The following DMD variants were observed in gnomAD, a reference collection of about 807,000 sequenced individuals.
The protein encoded by DMD is dystrophin.
DMD carries 63 observed loss-of-function variants against 330.1 expected under a neutral mutation model. The observed-to-expected ratio is 0.19, with a 90% CI of 0.16 to 0.24. The LOEUF is 0.24. DMD is among the 10% of genes least tolerant of loss of function. DMD has a pLI of 1.00. For missense variants in DMD, 3,344 were observed against 2,684.1 expected, an observed-to-expected ratio of 1.25 and a Z score of -5.43; for synonymous variants, 1,223 against 959.8, an observed-to-expected ratio of 1.27 and a Z score of -5.07.
Position 31,238,356 on chromosome X carries a change from T to C in DMD, c.9287-15235A>G, listed in dbSNP as rs758026126. On this transcript the variant is annotated intron_variant, in intron 63 of 78. Coordinates refer to ENST00000357033, the MANE Select transcript of DMD (RefSeq NM_004006.3). ...CCAGCTTTTATTCTCCTCAGAATCC[T>C]GGACAAAACTACTTGAGGATAAACC... is the stretch of plus-strand genomic sequence containing the variant. 9.8e-5 allele frequency among the ~76,000 whole-genome samples: 11 copies of C among 112,131 alleles called. No individual in the cohort carries two copies. The East Asian group carries it at 2.8e-3, about 29-fold the overall frequency.
At chrX:33,017,093 G>T (rs2093818107) in intron 2 of DMD, among the ~76,000 whole-genome samples, 1 of 111,475 alleles carries the variant, frequency 9.0e-6, no homozygotes, top group Non-Finnish European at 1.9e-5. Context: ...TGGAATCAAA[G>T]TTAATAGAAG....
intron 26 of DMD, among the ~76,000 whole-genome samples, chrX:32,450,831 C>T (rs1203691130): frequency 9.0e-6 from 1 of 110,986 alleles, no homozygotes; most frequent in African/African-American, 3.3e-5. Context: ...AAGAACACTT[C>T]TTTCCATGGT....
rs934847051 is a variant in DMD, at chrX:31,137,062, A to G, written c.10922-2868T>C. Among the ~76,000 whole-genome samples, 2 of 110,800 alleles carry G rather than the reference A, an allele frequency of 1.8e-5. 1 individual carries two copies. Among genetic ancestry groups the G allele is most frequent in the Admixed American group, 1.9e-4 (2 of 10,446 alleles). ...GAGATGGAGTCTTGCTCTGTCACCC[A>G]GGCTGGAGTGCAGTGGTGGAATCTC... On this transcript the variant is annotated intron_variant, in intron 76 of 78. Coordinates refer to ENST00000357033, the MANE Select transcript of DMD (RefSeq NM_004006.3).
intron 7 of DMD, among the ~76,000 whole-genome samples, chrX:32,714,426 T>A (rs1373827261): frequency 9.0e-6 from 1 of 111,700 alleles, no homozygotes; most frequent in Admixed American, 9.6e-5. Flanking sequence ...AGTATTTGAT[T>A]TTCTGTTTCT....
At chrX:32,409,662 T>C (rs777874643) in intron 30 of DMD, among the ~76,000 whole-genome samples, 12 of 112,058 alleles carry the variant, frequency 1.1e-4, no homozygotes, top group Non-Finnish European at 1.9e-4. Flanking sequence ...AGTAATTCTT[T>C]ATGCATTTTG....
intron 1 of DMD, among the ~76,000 whole-genome samples, chrX:33,282,416 GAGGGC>G (rs1198791555): frequency 3.6e-5 from 4 of 111,159 alleles, no homozygotes; most frequent in African/African-American, 1.3e-4. Context: ...CTGTACAATA[GAGGGC>G]AGCCTCAGAC....
intron 1 of DMD, among the ~76,000 whole-genome samples, chrX:33,248,580 GAA>G (rs2052710114): frequency 9.0e-6 from 1 of 111,257 alleles, no homozygotes; most frequent in African/African-American, 3.3e-5. Flanking sequence ...CTGAAAATTA[GAA>G]AGTGACATTC....
chrX:31,776,497 A>G (rs1438918661), intron 50 of DMD, among the ~76,000 whole-genome samples: 1 of 107,393 alleles, frequency 9.3e-6, no homozygotes, highest in Non-Finnish European at 1.9e-5. Flanking sequence ...AGGATGAGGA[A>G]CTAGAGAATT....
intron 1 of DMD, among the ~76,000 whole-genome samples, chrX:33,083,283 C>T (rs757154975): frequency 5.5e-4 from 62 of 112,373 alleles, no homozygotes; most frequent in African/African-American, 1.8e-3. Context: ...TTCTGCCCAA[C>T]GGGCTGCATG....
chrX:32,095,983 G>T (rs1385980517), intron 44 of DMD, among the ~76,000 whole-genome samples: 2 of 110,618 alleles, frequency 1.8e-5, no homozygotes, highest in African/African-American at 6.6e-5. Context: ...GTATACATGT[G>T]CCATGTTGGT....
At chrX:31,510,653 G>GC in intron 55 of DMD, among the ~76,000 whole-genome samples, 2 of 108,643 alleles carry the variant, frequency 1.8e-5, no homozygotes, top group South Asian at 8.3e-4. Context: ...GACTATAGGC[G>GC]CCCGCCACCA....
At chrX:31,752,586 A>C (rs1306667574) in intron 51 of DMD, among the ~76,000 whole-genome samples, 1 of 111,132 alleles carries the variant, frequency 9.0e-6, no homozygotes, top group Non-Finnish European at 1.9e-5. Context: ...CGTTACATTA[A>C]AAAAATAATA....
chrX:32,479,736 AGT>A (rs1300516917), intron 21 of DMD, among the ~76,000 whole-genome samples: 4 of 109,007 alleles, frequency 3.7e-5, no homozygotes, highest in Non-Finnish European at 5.7e-5. Context: ...TCTATATATC[AGT>A]ATATATAAAT....
At chrX:32,872,395 T>G (rs936378493) in intron 2 of DMD, among the ~76,000 whole-genome samples, 3 of 111,726 alleles carry the variant, frequency 2.7e-5, no homozygotes, top group African/African-American at 9.8e-5. Flanking sequence ...AACCACAGTA[T>G]ACTGTTCTTG....
chrX:32,079,912 T>G (rs2096380104), intron 44 of DMD, among the ~76,000 whole-genome samples: 1 of 112,072 alleles, frequency 8.9e-6, no homozygotes, highest in East Asian at 2.8e-4. Flanking sequence ...ATTCTGAATG[T>G]TAAACCCTTT....
intron 55 of DMD, among the ~76,000 whole-genome samples, chrX:31,569,887 C>T (rs1219789473): frequency 9.1e-6 from 1 of 109,724 alleles, no homozygotes; most frequent in Non-Finnish European, 1.9e-5. Context: ...ACAAAAGGTA[C>T]CTATGTATCT....
chrX:31,208,096 G>T (rs1038461605), intron 65 of DMD, among the ~76,000 whole-genome samples: 1 of 111,867 alleles, frequency 8.9e-6, no homozygotes, highest in Non-Finnish European at 1.9e-5. Context: ...AGAAAAAGGA[G>T]AAAATATTTC....
chrX:32,858,137 G>A (rs2081743957), intron 2 of DMD, among the ~76,000 whole-genome samples: 1 of 111,566 alleles, frequency 9.0e-6, no homozygotes, highest in Admixed American at 9.5e-5. Flanking sequence ...CTAATAGAGT[G>A]CTTCTCAGAA....
At chrX:31,466,029 G>T (rs747320998) in intron 59 of DMD, among the ~76,000 whole-genome samples, 5 of 111,634 alleles carry the variant, frequency 4.5e-5, no homozygotes, top group Non-Finnish European at 9.4e-5. Flanking sequence ...TTTTGATTAG[G>T]TTTTTTCTTG....
Sources: allele counts gnomAD v4.1 joint callset (sites outside exome capture counted in the v4.1 genomes callset), GRCh38; gene constraint gnomAD v4.1.1; transcripts MANE v1.5; gene names NCBI Gene and HGNC (gene_info 2026-07-23, HGNC 2026-07-21).